The following NRG1 variants were observed in gnomAD, a reference collection of about 807,000 sequenced individuals.
NRG1 encodes pro-neuregulin-1, membrane-bound isoform.
NRG1 carries 18 observed loss-of-function variants against 63.8 expected under a neutral mutation model. The ratio of observed to expected loss-of-function variants is 0.28; its 90% CI spans 0.19 to 0.42. The LOEUF (loss-of-function observed/expected upper bound fraction) is 0.42. Among genes scored for constraint, NRG1 ranks in the 10% least tolerant of loss-of-function variants. The probability of loss-of-function intolerance (pLI) is 1.00; values close to 1 mark genes in which losing one functional copy is unlikely to be tolerated. For synonymous variants in NRG1, 302 were observed against 301.3 expected (o/e 1.00, Z -0.02); for missense variants, 762 against 814.7 (o/e 0.94, Z 0.79).
chr8:32,392,461 T>C (rs982343760), intron 1 of NRG1, among the ~76,000 whole-genome samples: 1 of 152,226 alleles, frequency 6.6e-6, no homozygotes, highest in African/African-American at 2.4e-5. Flanking sequence ...ATCTACATGT[T>C]CCTCCCTTTT....
chr8:32,462,469 C>T (rs1822434597), intron 1 of NRG1, among the ~76,000 whole-genome samples: 1 of 152,026 alleles, frequency 6.6e-6, no homozygotes, highest in South Asian at 2.1e-4. Context: ...ATATTTATCA[C>T]TTTCCATAGT....
intron 1 of NRG1, among the ~76,000 whole-genome samples, chr8:32,078,436 T>C (rs767012760): frequency 6.6e-6 from 1 of 152,164 alleles, no homozygotes; most frequent in Non-Finnish European, 1.5e-5. Context: ...CAACCACTTT[T>C]CTTTATGAAT....
chr8:32,756,153 C>T (rs1829639149), intron 8 of NRG1, among the ~76,000 whole-genome samples: 2 of 152,062 alleles, frequency 1.3e-5, no homozygotes, highest in South Asian at 4.1e-4. Flanking sequence ...TTTGTGTTAT[C>T]CTATTTTTTT....
intron 1 of NRG1, among the ~76,000 whole-genome samples, chr8:31,724,594 TGAAAG>T (rs1161489350): frequency 2.7e-5 from 4 of 148,046 alleles, no homozygotes; most frequent in African/African-American, 9.9e-5. Context: ...TATTGAGAAA[TGAAAG>T]GATGCCAACA....
chr8:32,132,642 A>G (rs1834986548), intron 1 of NRG1, among the ~76,000 whole-genome samples: 1 of 152,030 alleles, frequency 6.6e-6, no homozygotes, highest in South Asian at 2.1e-4. Flanking sequence ...GCTGTTTGTG[A>G]TAAATAGTTG....
chr8:32,084,336 CAT>C (rs551534374), intron 1 of NRG1, among the ~76,000 whole-genome samples: 146 of 152,150 alleles, frequency 9.6e-4, no homozygotes, highest in African/African-American at 3.2e-3. Flanking sequence ...ATGATTAGAA[CAT>C]AGTCATTTAG....
intron 1 of NRG1, among the ~76,000 whole-genome samples, chr8:31,744,801 G>T (rs1815682478): frequency 6.6e-6 from 1 of 151,870 alleles, no homozygotes; most frequent in Non-Finnish European, 1.5e-5. Context: ...TATTTTCCTT[G>T]TAAAACAAAG....
At chr8:32,175,804 T>C (rs532149565) in intron 1 of NRG1, among the ~76,000 whole-genome samples, 6 of 152,308 alleles carry the variant, frequency 3.9e-5, no homozygotes, top group Admixed American at 3.3e-4. Context: ...CAAGGAGAAT[T>C]ACAAACCACT....
At chr8:31,995,886 A>T (rs974575358) in intron 1 of NRG1, among the ~76,000 whole-genome samples, 2 of 151,882 alleles carry the variant, frequency 1.3e-5, no homozygotes, top group South Asian at 2.1e-4. Context: ...TATTCTTGGC[A>T]TGCTTACCTA....
At chr8:31,708,437 A>C (rs541816700) in intron 1 of NRG1, among the ~76,000 whole-genome samples, 212 of 144,336 alleles carry the variant, frequency 1.5e-3, no homozygotes, top group African/African-American at 5.2e-3. Flanking sequence ...AAGAAAAATA[A>C]ACATAATTGT....
At chr8:31,820,316 C>T (rs1404053463) in intron 1 of NRG1, among the ~76,000 whole-genome samples, 1 of 152,128 alleles carries the variant, frequency 6.6e-6, no homozygotes, top group Admixed American at 6.5e-5. Flanking sequence ...TCTGCCCTTC[C>T]TCCCCTCCAG....
chr8:32,130,842 A>G (rs1239400279), intron 1 of NRG1, among the ~76,000 whole-genome samples: 5 of 151,992 alleles, frequency 3.3e-5, no homozygotes, highest in African/African-American at 1.2e-4. Flanking sequence ...TTAGGAGTGC[A>G]GAAGACTTTG....
intron 1 of NRG1, among the ~76,000 whole-genome samples, chr8:32,298,817 A>G (rs1487061780): frequency 6.6e-6 from 1 of 151,664 alleles, no homozygotes; most frequent in Non-Finnish European, 1.5e-5. Context: ...TCATGAGGTC[A>G]AGAGATCAAG....
intron 1 of NRG1, among the ~76,000 whole-genome samples, chr8:31,738,418 T>C (rs1372652918): frequency 6.6e-6 from 1 of 152,160 alleles, no homozygotes; most frequent in Admixed American, 6.6e-5. Flanking sequence ...ATATTCATGA[T>C]AAAAATCAAG....
In NRG1 at chr8:32,474,784, G is replaced by A. The variant is rs569889259; in HGVS notation, c.38-121044G>A. On this transcript the variant is annotated intron_variant, in intron 1 of 10. Transcript: ENST00000519301. ...CTCCCAAAGTGCTGGGATTACAGGC[G>A]TGAGCCACTGTGCCCGGCCGATATT... 5.3e-5 allele frequency among the ~76,000 whole-genome samples: 8 copies of A among 152,212 alleles called. No individual in the cohort carries two copies. The South Asian group carries it at 8.3e-4, about 16-fold the overall frequency.
intron 7 of NRG1, among the ~76,000 whole-genome samples, chr8:32,750,844 C>T (rs57288876): frequency 0.046 from 6,942 of 151,862 alleles, 551 homozygotes; most frequent in African/African-American, 0.16. Flanking sequence ...ACCTCTATTA[C>T]TAGGGAGCAC....
chr8:32,733,680 A>T (rs544247449), intron 6 of NRG1, among the ~76,000 whole-genome samples: 8 of 152,196 alleles, frequency 5.3e-5, no homozygotes, highest in Non-Finnish European at 1.0e-4. Flanking sequence ...CAGAGAAAAT[A>T]TAAGGAATGG....
intron 1 of NRG1, among the ~76,000 whole-genome samples, chr8:32,164,721 T>C (rs1293427670): frequency 6.6e-6 from 1 of 152,196 alleles, no homozygotes; most frequent in Non-Finnish European, 1.5e-5. Flanking sequence ...AAAGCACTGC[T>C]TTACTTTTAT....
intron 5 of NRG1, among the ~76,000 whole-genome samples, chr8:32,723,278 A>G (rs1821113950): frequency 6.6e-6 from 1 of 152,106 alleles, no homozygotes; most frequent in South Asian, 2.1e-4. Flanking sequence ...ATTTCAGTAC[A>G]TTTTATCTAT....
Sources: gnomAD v4.1 joint callset for allele counts (sites outside exome capture counted in the v4.1 genomes callset) on GRCh38, gnomAD v4.1.1 for gene constraint, MANE v1.5 for transcripts, NCBI Gene and HGNC (gene_info 2026-07-23, HGNC 2026-07-21) for gene names.